Variants in TNIK observed in about 807,000 individuals in gnomAD.
The protein encoded by TNIK is TRAF2 and NCK interacting kinase, also known as TRAF2 and NCK-interacting protein kinase.
Under a neutral mutation model 191.3 loss-of-function variants are expected in TNIK, and 49 were observed. That is an observed-to-expected ratio of 0.26 (90% confidence interval 0.20 to 0.32). The LOEUF (loss-of-function observed/expected upper bound fraction) is 0.32. Among genes scored for constraint, TNIK ranks in the 10% least tolerant of loss-of-function variants. The pLI is 1.00. For missense variants in TNIK, 1,155 were observed against 1,702.3 expected (o/e 0.68, Z 5.66); for synonymous variants, 594 against 600.9 (o/e 0.99, Z 0.17).
chr3:171,356,004 C>A (rs945808290), intron 2 of TNIK, among the ~76,000 whole-genome samples: 1 of 152,070 alleles, frequency 6.6e-6, no homozygotes, highest in African/African-American at 2.4e-5. Context: ...CTTCCCCCTG[C>A]TTGGAATAGA....
intron 2 of TNIK, among the ~76,000 whole-genome samples, chr3:171,277,500 T>TA (rs551523954): frequency 3.9e-4 from 58 of 148,220 alleles, no homozygotes; most frequent in African/African-American, 6.2e-4. Context: ...CTATTTTGAT[T>TA]AAAAAAAAAA....
At chr3:171,365,823 T>C (rs1378420285) in intron 2 of TNIK, among the ~76,000 whole-genome samples, 1 of 152,192 alleles carries the variant, frequency 6.6e-6, no homozygotes, top group Non-Finnish European at 1.5e-5. Context: ...CTTTACAACC[T>C]TAAGAAGTAT....
intron 2 of TNIK, among the ~76,000 whole-genome samples, chr3:171,296,512 C>T (rs903205048): frequency 2.0e-5 from 3 of 152,178 alleles, no homozygotes; most frequent in Non-Finnish European, 2.9e-5. Flanking sequence ...GCTGACTTGT[C>T]CTCTTTCCAT....
chr3:171,281,581 G>C (rs1750429225), intron 2 of TNIK, among the ~76,000 whole-genome samples: 1 of 151,622 alleles, frequency 6.6e-6, no homozygotes, highest in Non-Finnish European at 1.5e-5. Flanking sequence ...AGTGCTTACA[G>C]GTGCTTCTTC....
intron 2 of TNIK, among the ~76,000 whole-genome samples, chr3:171,317,077 A>G (rs1343504774): frequency 6.6e-6 from 1 of 151,344 alleles, no homozygotes; most frequent in African/African-American, 2.4e-5. Context: ...GTACTTAAAT[A>G]GGATAATATC....
At chr3:171,185,926 G>A (rs184534373) in intron 7 of TNIK, among the ~76,000 whole-genome samples, 5 of 151,976 alleles carry the variant, frequency 3.3e-5, no homozygotes, top group African/African-American at 4.8e-5. Context: ...ACACACTCTC[G>A]GCTGAAAGTG....
chr3:171,138,118 TC>T, intron 15 of TNIK, 72 bp downstream of exon 15: 1 of 1,401,262 alleles, frequency 7.1e-7, no homozygotes, highest in South Asian at 1.8e-5. Context: ...GGGTTAACTC[TC>T]CACTTCTATC....
chr3:171,226,932 T>A (rs1303844106), intron 3 of TNIK, among the ~76,000 whole-genome samples: 1 of 152,294 alleles, frequency 6.6e-6, no homozygotes, highest in South Asian at 2.1e-4. Context: ...ATACTGTGTG[T>A]CTTTCTTATT....
At position 171,253,043 on chromosome 3, in the gene TNIK, G is replaced by A. The variant is rs112352448; in HGVS notation, c.124-24822C>T. 7.8e-4 allele frequency among the ~76,000 whole-genome samples: 118 copies of A among 151,972 alleles called. No individual in the cohort carries two copies. The Middle Eastern group carries it at 0.041, about 53-fold the overall frequency. On this transcript the variant is annotated intron_variant, in intron 2 of 32. Coordinates refer to ENST00000436636, the MANE Select transcript of TNIK (RefSeq NM_015028.4). Reference sequence around the variant, plus strand: ...TGTAATTCCAGCCCTTTGGGAGGCCGAGGCGAGTGGATCACGAGGTCAGGA... The same window carrying A: ...TGTAATTCCAGCCCTTTGGGAGGCCAAGGCGAGTGGATCACGAGGTCAGGA...
chr3:171,318,522 A>G (rs1754868255), intron 2 of TNIK, among the ~76,000 whole-genome samples: 1 of 152,178 alleles, frequency 6.6e-6, no homozygotes, highest in Non-Finnish European at 1.5e-5. Context: ...ATAAGGAAAT[A>G]TTGTAAACCT....
At chr3:171,192,108 C>A (rs6799827) in intron 5 of TNIK, among the ~76,000 whole-genome samples, 1 of 151,986 alleles carries the variant, frequency 6.6e-6, no homozygotes, top group African/African-American at 2.4e-5. Flanking sequence ...AAAAGACCCA[C>A]ATATACATTT....
chr3:171,337,501 A>C (rs1428976537), intron 2 of TNIK, among the ~76,000 whole-genome samples: 1 of 152,190 alleles, frequency 6.6e-6, no homozygotes, highest in Non-Finnish European at 1.5e-5. Context: ...TGGGCATCCT[A>C]TTTGGGCGGA....
At chr3:171,380,787 C>T (rs1190121204) in intron 1 of TNIK, among the ~76,000 whole-genome samples, 1 of 152,196 alleles carries the variant, frequency 6.6e-6, no homozygotes, top group Admixed American at 6.5e-5. Flanking sequence ...GGCCAAGGGC[C>T]CAGGACTTTT....
At chr3:171,359,046 G>A (rs1714591708) in intron 2 of TNIK, among the ~76,000 whole-genome samples, 1 of 152,158 alleles carries the variant, frequency 6.6e-6, no homozygotes, top group Admixed American at 6.5e-5. Flanking sequence ...AGTGGTGAAG[G>A]TTGCACAACA....
intron 6 of TNIK, among the ~76,000 whole-genome samples, chr3:171,189,084 C>G (rs1259016046): frequency 6.6e-6 from 1 of 152,166 alleles, no homozygotes; most frequent in Admixed American, 6.5e-5. Context: ...GCTCCCAATT[C>G]CCCCTTGCCC....
At chr3:171,325,886 A>G (rs1321007566) in intron 2 of TNIK, among the ~76,000 whole-genome samples, 2 of 152,228 alleles carry the variant, frequency 1.3e-5, no homozygotes, top group African/African-American at 4.8e-5. Context: ...AACTTTGCTG[A>G]CATCAGGGAC....
rs1052552039 is a variant in TNIK at position 171,079,746 on chromosome 3, C to T, written c.3314-94G>A. On this transcript the variant is annotated intron_variant, in intron 27 of 32. Coordinates refer to ENST00000436636, the MANE Select transcript of TNIK (RefSeq NM_015028.4). ...ATTTATTTCTAATTTATTTTATTTACGTGTGTGTGTGTGTGTATGAAGGCA... is the reference window on the plus strand; with the variant it reads ...ATTTATTTCTAATTTATTTTATTTATGTGTGTGTGTGTGTGTATGAAGGCA... 2.1e-4 allele frequency: 277 copies of T among 1,314,738 alleles called. 1 individual carries two copies. Among genetic ancestry groups the T allele is most frequent in the Non-Finnish European group, 2.6e-4 (261 of 986,024 alleles). The allele number at this position is 1,314,738 out of a possible 1,614,324, so 81.4% of individuals were successfully genotyped here.
In TNIK at chr3:171,451,484, T is replaced by A. The variant is rs55780532; in HGVS notation, c.57+8523A>T. Among the ~76,000 whole-genome samples the A allele has an allele frequency of 4.3e-3, 650 of 152,332 alleles. 2 individuals are homozygous for A. The highest frequency in any genetic ancestry group is 0.014 in the African/African-American group (592 of 41,570). ...TTCTGAATTCCTGGCCCACAGAAAC[T>A]GTGAGATATAATAAATGGTTATTGT... On this transcript the variant is annotated intron_variant, in intron 1 of 32. Coordinates refer to ENST00000436636, the MANE Select transcript of TNIK (RefSeq NM_015028.4).
intron 2 of TNIK, among the ~76,000 whole-genome samples, chr3:171,280,442 TGTGAA>T (rs1475842940): frequency 6.6e-6 from 1 of 152,180 alleles, no homozygotes; most frequent in Non-Finnish European, 1.5e-5. Context: ...TTTTAAAATC[TGTGAA>T]GTGGAGACAA....
Sources: gnomAD v4.1 joint callset for allele counts (sites outside exome capture counted in the v4.1 genomes callset) on GRCh38, gnomAD v4.1.1 for gene constraint, MANE v1.5 for transcripts, NCBI Gene and HGNC (gene_info 2026-07-23, HGNC 2026-07-21) for gene names.